The following NFASC variants were observed in gnomAD, a reference collection of about 807,000 sequenced individuals.
NFASC encodes neurofascin.
In NFASC, 43 loss-of-function variants were observed where a neutral mutation model predicts 147.5. That is an observed-to-expected ratio of 0.29 (90% CI 0.23 to 0.38). The LOEUF (loss-of-function observed/expected upper bound fraction) is 0.38, where lower values mean the gene tolerates loss of function less well. Ranked by LOEUF, NFASC falls within the 10% of genes least tolerant of loss-of-function variation. The pLI, the probability that NFASC is intolerant of heterozygous loss-of-function variation, is 1.00. For synonymous variants in NFASC, 622 were observed against 665.5 expected, an observed-to-expected ratio of 0.93 and a Z score of 1.01; for missense variants, 1,320 against 1,689.0, an observed-to-expected ratio of 0.78 and a Z score of 3.83.
chr1:204,852,336 TA>T (rs1464187316), intron 1 of NFASC, among the ~76,000 whole-genome samples: 2 of 152,136 alleles, frequency 1.3e-5, no homozygotes, highest in African/African-American at 4.8e-5. Flanking sequence ...CCATCTCTAC[TA>T]AAAATAGAAA....
At chr1:204,993,127 G>A (rs542898215) in intron 24 of NFASC, among the ~76,000 whole-genome samples, 6 of 152,320 alleles carry the variant, frequency 3.9e-5, no homozygotes, top group East Asian at 3.9e-4. Flanking sequence ...TGGGCCTGGC[G>A]TCCGGCCCAC....
chr1:204,836,509 T>C (rs1673846118), intron 1 of NFASC, among the ~76,000 whole-genome samples: 1 of 152,228 alleles, frequency 6.6e-6, no homozygotes, highest in African/African-American at 2.4e-5. Context: ...ACCACCAATG[T>C]TTATGCTTCT....
intron 1 of NFASC, among the ~76,000 whole-genome samples, chr1:204,889,945 C>G (rs1287388135): frequency 6.6e-6 from 1 of 152,234 alleles, no homozygotes; most frequent in East Asian, 1.9e-4. Context: ...CCTCCGGCAG[C>G]CGACTTCTCT....
At chr1:204,856,943 G>C (rs1411195138) in intron 1 of NFASC, among the ~76,000 whole-genome samples, 1 of 152,156 alleles carries the variant, frequency 6.6e-6, no homozygotes, top group Non-Finnish European at 1.5e-5. Context: ...TTTTTGGACT[G>C]TTTCCACCTT....
chr1:204,975,079 T>G lies in NFASC; in HGVS notation c.1559-192T>G, dbSNP rs2095365688. Among the ~76,000 whole-genome samples, 1 of 152,020 alleles carries G rather than the reference T, an allele frequency of 6.6e-6. No homozygotes were observed. Among genetic ancestry groups the G allele is most frequent in the Admixed American group, 6.5e-5 (1 of 15,278 alleles). On this transcript the variant is annotated intron_variant, in intron 14 of 29. Coordinates refer to ENST00000339876, the MANE Select transcript of NFASC (RefSeq NM_001005388.3). The surrounding 1 kb of genome is among the most constrained non-coding windows in gnomAD (Gnocchi z 4.0). ...TCATATATTCCTGAGCCAGATGGAG[T>G]GGATTTGGGGCATTATCTGCTTTGG...
At chr1:205,007,473 T>C (rs887306061) in intron 27 of NFASC, among the ~76,000 whole-genome samples, 1 of 104,610 alleles carries the variant, frequency 9.6e-6, no homozygotes, top group African/African-American at 3.9e-5. Context: ...GGGGAGAGGA[T>C]TGGGGGGAAG....
Position 204,906,763 on chromosome 1 carries a change from AGCTCCGC to A in NFASC, c.-199-13868_-199-13862del. Among the ~76,000 whole-genome samples, 2 of 57,510 alleles carry A rather than the reference AGCTCCGC, an allele frequency of 3.5e-5. 1 individual carries two copies. Among genetic ancestry groups the A allele is most frequent in the Admixed American group, 2.5e-4 (2 of 8,030 alleles). The allele number at this position is 57,510 out of a possible 152,430, so 37.7% of individuals were successfully genotyped here. On this transcript the variant is annotated intron_variant, in intron 1 of 29. Transcript: ENST00000339876. ...AGTGGCGCGATCTCGGCTCACTGCAAGCTCCGCCTCCCGGGCTCATGCCATTCTCCTG... is the reference window on the plus strand; with the variant it reads ...AGTGGCGCGATCTCGGCTCACTGCAACTCCCGGGCTCATGCCATTCTCCTG...
At chr1:204,996,051 T>C (rs929346459) in intron 24 of NFASC, among the ~76,000 whole-genome samples, 1 of 152,060 alleles carries the variant, frequency 6.6e-6, no homozygotes, top group Non-Finnish European at 1.5e-5. Flanking sequence ...CTCATTCTCA[T>C]ACTCTCAGCT....
rs556502444 is a variant in NFASC, at chr1:204,993,527, T to G, written c.2782+2221T>G. On this transcript the variant is annotated intron_variant, in intron 24 of 29. Coordinates refer to ENST00000339876, the MANE Select transcript of NFASC (RefSeq NM_001005388.3). ...CCCTGAAACCCACCTGGAAAACCCT[T>G]GGCCGCAGCCAGGGTGCCTTCCAGT... Among the ~76,000 whole-genome samples the G allele has an allele frequency of 3.3e-5, 5 of 152,290 alleles. No homozygotes were observed. In the East Asian group the frequency reaches 9.7e-4, roughly 29 times the overall value.
intron 1 of NFASC, among the ~76,000 whole-genome samples, chr1:204,861,005 A>G (rs978923606): frequency 7.8e-6 from 1 of 128,978 alleles, no homozygotes; most frequent in Non-Finnish European, 1.6e-5. Flanking sequence ...TTTTTTTTCT[A>G]CCTTTGAGCT....
chr1:204,965,349 A>C (rs1181641688), intron 8 of NFASC, among the ~76,000 whole-genome samples: 1 of 152,164 alleles, frequency 6.6e-6, no homozygotes, highest in Non-Finnish European at 1.5e-5. Context: ...ACCCTCTTTG[A>C]GAACAGTGGC....
At position 204,957,784 on chromosome 1, in the gene NFASC, A is replaced by G; in HGVS notation, c.664A>G (p.Thr222Ala). The change falls in exon 8 of 30, where the codon ACC becomes GCC. Residue 222 changes from threonine to alanine, a missense_variant. By Grantham distance (58) the Thr-to-Ala change is moderately conservative (BLOSUM62 0). Around this residue, in one of 3 missense-constraint regions of NFASC, gnomAD observed 981 missense variants for 1,289.5 expected, o/e 0.76. Transcript: ENST00000339876. Reference protein sequence around the residue: ...SCNARFHFTHTIQQKNPFTLK... With the variant: ...SCNARFHFTHAIQQKNPFTLK... ...TAACGCCCGCTTCCACTTCACCCAC[A>G]CCATCCAGCAGAAGAACCCTTTCAC... 8 of 1,614,056 alleles carry G rather than the reference A, an allele frequency of 5.0e-6. No homozygotes were observed. The highest frequency in any genetic ancestry group is 6.8e-6 in the Non-Finnish European group (8 of 1,180,014).
chr1:204,968,990 G>T lies in NFASC; in HGVS notation c.1003+8G>T, dbSNP rs1009503942. Reference sequence around the variant, plus strand: ...TCTCGGTGAGAGTAAAGGGTACGTTGTGTGTATTTATCATTATGATTATGT... The same window carrying T: ...TCTCGGTGAGAGTAAAGGGTACGTTTTGTGTATTTATCATTATGATTATGT... On this transcript the variant is annotated splice_region_variant and intron_variant, in intron 10 of 29. Transcript: ENST00000339876. The surrounding 1 kb of genome is among the most constrained non-coding windows in gnomAD (Gnocchi z 5.4). 3 of 1,610,944 alleles carry T rather than the reference G, an allele frequency of 1.9e-6. No homozygotes were observed. The highest frequency in any genetic ancestry group is 2.5e-6 in the Non-Finnish European group (3 of 1,178,170).
chr1:204,909,455 G>A (rs2086821903), intron 1 of NFASC, among the ~76,000 whole-genome samples: 1 of 151,978 alleles, frequency 6.6e-6, no homozygotes, highest in Non-Finnish European at 1.5e-5. Context: ...GATTATTTGT[G>A]CCTCTACTGC....
intron 1 of NFASC, among the ~76,000 whole-genome samples, chr1:204,874,554 T>C (rs2078371469): frequency 6.6e-6 from 1 of 152,130 alleles, no homozygotes; most frequent in African/African-American, 2.4e-5. Flanking sequence ...ATTCCTGCAC[T>C]TCCAACCCAC....
intron 2 of NFASC, among the ~76,000 whole-genome samples, chr1:204,930,352 A>T (rs2092258381): frequency 6.6e-6 from 1 of 152,144 alleles, no homozygotes; most frequent in South Asian, 2.1e-4. Flanking sequence ...TGTTATTGTT[A>T]GGTTATTGCT....
chr1:204,911,714 C>A (rs2087556127), intron 1 of NFASC, among the ~76,000 whole-genome samples: 1 of 152,078 alleles, frequency 6.6e-6, no homozygotes, highest in African/African-American at 2.4e-5. Context: ...GGTGTTAATT[C>A]TTTAATAATT....
chr1:205,008,105 C>T lies in NFASC; in HGVS notation c.3290-1452C>T, dbSNP rs921399819. The stretch of plus-strand genomic sequence containing the variant: ...GACACGTGTTCATCAGTCTTCACCC[C>T]GTACTGGCAACTTTCTTGGTGCAAT... On this transcript the variant is annotated intron_variant, in intron 27 of 29. Coordinates refer to ENST00000339876, the MANE Select transcript of NFASC (RefSeq NM_001005388.3). 5.3e-5 allele frequency among the ~76,000 whole-genome samples: 8 copies of T among 152,142 alleles called. No homozygotes were observed. The East Asian group carries it at 1.5e-3, about 29-fold the overall frequency.
At chr1:204,855,163 G>A (rs1302265256) in intron 1 of NFASC, among the ~76,000 whole-genome samples, 5 of 152,232 alleles carry the variant, frequency 3.3e-5, no homozygotes, top group African/African-American at 9.6e-5. Flanking sequence ...CACTATCAGA[G>A]CTGCTGCATT....
Sources: allele counts gnomAD v4.1 joint callset (sites outside exome capture counted in the v4.1 genomes callset), GRCh38; gene constraint gnomAD v4.1.1; regional missense constraint gnomAD v4.1.1; non-coding constraint Gnocchi (gnomAD v3.1); transcripts MANE v1.5; gene names NCBI Gene and HGNC (gene_info 2026-07-23, HGNC 2026-07-21).